Variants in STARD6 observed in about 807,000 individuals in gnomAD.
The protein encoded by STARD6 is stAR-related lipid transfer protein 6.
A neutral mutation model predicts 22.3 loss-of-function variants in STARD6; 21 were observed. That is an observed-to-expected ratio of 0.94 (90% CI 0.67 to 1.35). The LOEUF (loss-of-function observed/expected upper bound fraction) is 1.35, where lower values mean the gene tolerates loss of function less well. Among genes scored for constraint, STARD6 ranks in the 40% most tolerant of loss-of-function variants. The pLI is 0.00. For missense variants in STARD6, 269 were observed against 266.9 expected, an observed-to-expected ratio of 1.01 and a Z score of -0.05; for synonymous variants, 80 against 88.1, an observed-to-expected ratio of 0.91 and a Z score of 0.52.
rs552220359 is a variant in STARD6, at chr18:54,324,594, G to A, written c.*98C>T. On this transcript the variant is annotated 3_prime_UTR_variant, in exon 8 of 8. Coordinates refer to ENST00000307844, the MANE Select transcript of STARD6 (RefSeq NM_139171.2). ...GTGTACAAGAATACTGTCTAGAATA[G>A]TTTAACAGTATTATTTATGTGCGTT... The A allele has an allele frequency of 4.2e-6, 5 of 1,179,542 alleles. No individual in the cohort carries two copies. The Admixed American group carries it at 1.1e-4, about 25-fold the overall frequency. 73.1% of individuals were successfully genotyped at this position (1,179,542 alleles called of 1,614,324 possible).
intron 4 of STARD6, among the ~76,000 whole-genome samples, chr18:54,351,899 G>GTTT (rs60888927): frequency 0.041 from 2,887 of 70,386 alleles, 273 homozygotes; most frequent in African/African-American, 0.21. Context: ...ATATTGGTCC[G>GTTT]TTTTTTTTTT....
intron 2 of STARD6, 89 bp from the exon 3 acceptor site, chr18:54,354,666 A>G (rs986990117): frequency 2.4e-6 from 2 of 847,648 alleles, no homozygotes; most frequent in Non-Finnish European, 3.8e-6. Context: ...TTATTTCTAT[A>G]ATGCCTGTCA....
intron 2 of STARD6, chr18:54,355,695 A>G (rs966986298): frequency 2.0e-5 from 3 of 152,258 alleles, no homozygotes; most frequent in African/African-American, 7.2e-5. Context: ...GTAATTTCTT[A>G]TGGCAGCCCA....
At chr18:54,342,607 G>A (rs1047965009) in intron 4 of STARD6, among the ~76,000 whole-genome samples, 8 of 117,500 alleles carry the variant, frequency 6.8e-5, no homozygotes, top group Non-Finnish European at 1.2e-4. Flanking sequence ...GAGTGCCTGC[G>A]ATTGCAGGCA....
chr18:54,327,534 T>A (rs1470514963), intron 7 of STARD6, among the ~76,000 whole-genome samples: 3 of 152,096 alleles, frequency 2.0e-5, no homozygotes, highest in African/African-American at 4.8e-5. Flanking sequence ...AATTTAATGG[T>A]GGGTTTCAAG....
chr18:54,354,437 T>C (rs1029770742), intron 3 of STARD6, 47 bp downstream of exon 3: 2 of 1,491,738 alleles, frequency 1.3e-6, no homozygotes, highest in African/African-American at 1.4e-5. Flanking sequence ...GAATTGTTTC[T>C]TACTTAAAAA....
chr18:54,343,398 G>A (rs1483827879), intron 4 of STARD6, among the ~76,000 whole-genome samples: 6 of 140,452 alleles, frequency 4.3e-5, no homozygotes, highest in Admixed American at 6.9e-5. Context: ...CCGGCCAGCC[G>A]TGCCATCCGG....
intron 4 of STARD6, among the ~76,000 whole-genome samples, chr18:54,348,489 C>A (rs1180176190): frequency 1.3e-5 from 2 of 152,054 alleles, no homozygotes. Context: ...GAAAGTACAG[C>A]CTTTGAGGTA....
In STARD6 at chr18:54,324,879, T is replaced by A; in HGVS notation, c.480-4A>T. ...TAGTTTGGAATATGCTGGGTTTCTG[T>A]AAGCAAAAGAAGAGTTAAAAAAAGA... is the stretch of plus-strand genomic sequence containing the variant. On this transcript the variant is annotated splice_region_variant and splice_polypyrimidine_tract_variant and intron_variant, in intron 7 of 7. Coordinates refer to ENST00000307844, the MANE Select transcript of STARD6 (RefSeq NM_139171.2). 6.6e-7 allele frequency: 1 copy of A among 1,515,532 alleles called. No individual in the cohort carries two copies. The highest frequency in any genetic ancestry group is 8.8e-7 in the Non-Finnish European group (1 of 1,138,354). The allele number at this position is 1,515,532 out of a possible 1,614,324, so 93.9% of individuals were successfully genotyped here.
intron 4 of STARD6, among the ~76,000 whole-genome samples, chr18:54,345,694 A>G (rs2089027226): frequency 6.6e-6 from 1 of 152,196 alleles, no homozygotes; most frequent in Non-Finnish European, 1.5e-5. Flanking sequence ...CTAAAAGGCT[A>G]TAGTAGTGAA....
chr18:54,324,934 T>C lies in STARD6; in HGVS notation c.480-59A>G, dbSNP rs535528170. 1.8e-5 allele frequency: 25 copies of C among 1,380,250 alleles called. No individual in the cohort carries two copies. The South Asian group carries it at 3.4e-4, about 19-fold the overall frequency. The allele number at this position is 1,380,250 out of a possible 1,614,324, so 85.5% of individuals were successfully genotyped here. A position where few individuals can be genotyped will look rare whatever the true frequency, so the allele number is the denominator to read the frequency against. ...AAATTTTTAGATTTAACTACTGACT[T>C]TACAGGTTTTTGGAGAGCAGGATTC... On this transcript the variant is annotated intron_variant, in intron 7 of 7. Transcript: ENST00000307844.
At chr18:54,349,848 A>G (rs1218742678) in intron 4 of STARD6, among the ~76,000 whole-genome samples, 2 of 152,138 alleles carry the variant, frequency 1.3e-5, no homozygotes, top group Non-Finnish European at 2.9e-5. Context: ...TGCTTTTTAT[A>G]ACTGAGTAGT....
intron 7 of STARD6, among the ~76,000 whole-genome samples, chr18:54,325,210 A>G (rs2088814354): frequency 2.0e-5 from 3 of 151,988 alleles, no homozygotes; most frequent in Admixed American, 2.0e-4. Context: ...TACAGTTTTA[A>G]TTGTTATATT....
chr18:54,336,172 T>A (rs1316463004), intron 5 of STARD6, among the ~76,000 whole-genome samples: 1 of 152,232 alleles, frequency 6.6e-6, no homozygotes, highest in Non-Finnish European at 1.5e-5. Flanking sequence ...TTGTTTTTAT[T>A]CTCTCTCTTT....
intron 4 of STARD6, among the ~76,000 whole-genome samples, chr18:54,347,048 AG>A (rs2089043336): frequency 6.6e-6 from 1 of 152,152 alleles, no homozygotes; most frequent in Non-Finnish European, 1.5e-5. Flanking sequence ...GGTGAAATTT[AG>A]GGTACATAAA....
At chr18:54,335,358 C>A (rs530913313) in intron 5 of STARD6, among the ~76,000 whole-genome samples, 125 of 151,982 alleles carry the variant, frequency 8.2e-4, no homozygotes, top group African/African-American at 2.9e-3. Context: ...CCACGCCTGG[C>A]TAATTTTTTG....
chr18:54,331,788 G>C lies in STARD6; in HGVS notation c.339C>G (p.Asp113Glu). 6.2e-7 allele frequency: 1 copy of C among 1,613,378 alleles called. No individual in the cohort carries two copies. The highest frequency in any genetic ancestry group is 8.5e-7 in the Non-Finnish European group (1 of 1,179,534). Residue 113 changes from aspartate (D) to glutamate (E), a missense_variant, in exon 6 of 8, where the codon GAC (aspartate) becomes GAG (glutamate). Physicochemically the swap from Asp to Glu is conservative, Grantham distance 45 (BLOSUM62 2). Coordinates refer to ENST00000307844, the MANE Select transcript of STARD6 (RefSeq NM_139171.2). ...CTTCGTAGCGCTTGATGTACACTAA[G>C]TCGATAAAGTCTCGAGGGGAAATGG... ...VGSISPRDFI[D>E]LVYIKRYEGN... is the part of the protein sequence containing the mutation.
intron 4 of STARD6, among the ~76,000 whole-genome samples, chr18:54,349,154 T>C (rs1221751057): frequency 1.3e-5 from 2 of 152,122 alleles, no homozygotes; most frequent in Non-Finnish European, 2.9e-5. Flanking sequence ...AAATTTCATA[T>C]AGTGAAGTGC....
chr18:54,334,425 C>T (rs990254655), intron 5 of STARD6, among the ~76,000 whole-genome samples: 7 of 152,090 alleles, frequency 4.6e-5, no homozygotes, highest in Admixed American at 1.3e-4. Flanking sequence ...TCCCACTGAA[C>T]GTAGAGCAAA....
Sources: gnomAD v4.1 joint callset for allele counts (sites outside exome capture counted in the v4.1 genomes callset) on GRCh38, gnomAD v4.1.1 for gene constraint, MANE v1.5 for transcripts, NCBI Gene and HGNC (gene_info 2026-07-23, HGNC 2026-07-21) for gene names.